Variants in TCF12 observed in about 807,000 individuals in gnomAD.
The protein encoded by TCF12 is DNA-binding protein HTF4.
TCF12 carries 45 observed loss-of-function variants against 86.0 expected under a neutral mutation model. The observed-to-expected ratio is 0.52, with a 90% CI of 0.41 to 0.67. The LOEUF (loss-of-function observed/expected upper bound fraction) is 0.67. Ranked by LOEUF, TCF12 falls within the 30% of genes least tolerant of loss-of-function variation. TCF12 has a pLI of 0.00. For synonymous variants in TCF12, 330 were observed against 299.6 expected, an observed-to-expected ratio of 1.10 and a Z score of -1.05; for missense variants, 881 against 859.9, an observed-to-expected ratio of 1.02 and a Z score of -0.31.
chr15:57,004,704 C>T (rs1270615105), intron 3 of TCF12, among the ~76,000 whole-genome samples: 5 of 152,058 alleles, frequency 3.3e-5, no homozygotes, highest in Non-Finnish European at 7.4e-5. Flanking sequence ...CCACCGCGAC[C>T]GACCCTATGC....
At chr15:57,035,513 CA>C (rs2066455445) in intron 3 of TCF12, among the ~76,000 whole-genome samples, 1 of 152,120 alleles carries the variant, frequency 6.6e-6, no homozygotes, top group Non-Finnish European at 1.5e-5. Context: ...GTGATCCTCC[CA>C]CCTCGGCCTC....
chr15:56,925,797 G>C (rs1337859967), intron 3 of TCF12, among the ~76,000 whole-genome samples: 1 of 151,944 alleles, frequency 6.6e-6, no homozygotes, highest in African/African-American at 2.4e-5. Context: ...TTATGGATGG[G>C]AATGTTGAAA....
chr15:57,162,388 GA>G (rs2054565182), intron 5 of TCF12, among the ~76,000 whole-genome samples: 1 of 152,136 alleles, frequency 6.6e-6, no homozygotes, highest in Non-Finnish European at 1.5e-5. Flanking sequence ...AATTAAAAAT[GA>G]ATGCCTCCTA....
chr15:57,176,010 T>A (rs1042846929), intron 6 of TCF12, among the ~76,000 whole-genome samples: 2 of 152,168 alleles, frequency 1.3e-5, no homozygotes, highest in Admixed American at 6.5e-5. Context: ...TATTTTATAA[T>A]AGATTACAGT....
intron 12 of TCF12, among the ~76,000 whole-genome samples, chr15:57,240,323 T>C (rs2059558148): frequency 6.6e-6 from 1 of 152,108 alleles, no homozygotes; most frequent in Admixed American, 6.5e-5. Context: ...ATGTAGATGA[T>C]TAGAAATACA....
At chr15:57,116,158 T>C (rs898557973) in intron 5 of TCF12, among the ~76,000 whole-genome samples, 18 of 152,176 alleles carry the variant, frequency 1.2e-4, no homozygotes, top group African/African-American at 4.3e-4. Context: ...TCAGTAGTGA[T>C]AGGGAAGTAT....
At chr15:57,193,362 G>A (rs1165562483) in intron 7 of TCF12, among the ~76,000 whole-genome samples, 2 of 152,112 alleles carry the variant, frequency 1.3e-5, no homozygotes, top group African/African-American at 4.8e-5. Flanking sequence ...GTTCTGAAAC[G>A]TTACTGCAAA....
At chr15:56,980,828 C>T (rs1476950194) in intron 3 of TCF12, among the ~76,000 whole-genome samples, 1 of 152,090 alleles carries the variant, frequency 6.6e-6, no homozygotes, top group African/African-American at 2.4e-5. Flanking sequence ...TTTGTGCTTT[C>T]CGTGAAGATA....
At position 56,929,519 on chromosome 15, in the gene TCF12, CAT is replaced by C. The variant is rs376874351; in HGVS notation, c.148+8422_148+8423del. On this transcript the variant is annotated intron_variant, in intron 3 of 20. Coordinates refer to ENST00000333725, the MANE Select transcript of TCF12 (RefSeq NM_207037.2). ...TTGTTCCATGTTTAAAATGTGCTCT[CAT>C]GTGTTCCAGGTTAAAAATGTGCTCT... Among the ~76,000 whole-genome samples the C allele has an allele frequency of 3.9e-4, 59 of 151,954 alleles. No individual in the cohort carries two copies. In the East Asian group the frequency reaches 8.1e-3, roughly 21 times the overall value.
At chr15:57,077,323 A>ATG (rs1372779759) in intron 4 of TCF12, among the ~76,000 whole-genome samples, 2 of 35,696 alleles carry the variant, frequency 5.6e-5, no homozygotes, top group African/African-American at 1.4e-4. Context: ...ATATATGTAT[A>ATG]TATATGTGTG....
chr15:57,064,795 C>CAAAAA (rs1177544594), intron 4 of TCF12, among the ~76,000 whole-genome samples: 1,320 of 77,950 alleles, frequency 0.017, 67 homozygotes, highest in African/African-American at 0.083. Context: ...GACTCCATCT[C>CAAAAA]AAAAAAAAAA....
At chr15:56,948,804 A>T (rs1567149199) in intron 3 of TCF12, among the ~76,000 whole-genome samples, 1 of 152,110 alleles carries the variant, frequency 6.6e-6, no homozygotes, top group Non-Finnish European at 1.5e-5. Context: ...TTCCACTTTC[A>T]CTCATCTTGC....
intron 4 of TCF12, among the ~76,000 whole-genome samples, chr15:57,064,795 CAAAAAAA>C (rs1177544594): frequency 2.6e-5 from 2 of 78,118 alleles, no homozygotes; most frequent in Non-Finnish European, 4.3e-5. Context: ...GACTCCATCT[CAAAAAAA>C]AAAAAAAAAA....
At chr15:57,138,680 A>G (rs570048563) in intron 5 of TCF12, among the ~76,000 whole-genome samples, 2 of 152,322 alleles carry the variant, frequency 1.3e-5, no homozygotes, top group East Asian at 1.9e-4. Flanking sequence ...TCATTTGGAG[A>G]CAGTTAAAAT....
intron 7 of TCF12, 24 bp downstream of exon 7, chr15:57,192,317 C>T: frequency 1.2e-6 from 2 of 1,611,568 alleles, no homozygotes; most frequent in Non-Finnish European, 1.7e-6. Flanking sequence ...ACAACAAATC[C>T]CATCCCACAT....
intron 19 of TCF12, among the ~76,000 whole-genome samples, chr15:57,278,334 G>A (rs1468109705): frequency 6.6e-6 from 1 of 152,104 alleles, no homozygotes; most frequent in African/African-American, 2.4e-5. Context: ...CAGAAGAAAG[G>A]TTTCCAAGGA....
chr15:57,274,218 G>T (rs547260733), intron 19 of TCF12, among the ~76,000 whole-genome samples: 1 of 71,630 alleles, frequency 1.4e-5, no homozygotes, highest in East Asian at 5.5e-4. Flanking sequence ...TACAGCCATG[G>T]AGCCTCAGCA....
chr15:57,244,295 A>G (rs1182939936), intron 13 of TCF12, among the ~76,000 whole-genome samples: 2 of 152,206 alleles, frequency 1.3e-5, no homozygotes, highest in Non-Finnish European at 2.9e-5. Context: ...GTAAGATTCA[A>G]AGATGAATAA....
At chr15:57,070,191 AT>A (rs112406874) in intron 4 of TCF12, among the ~76,000 whole-genome samples, 9 of 149,400 alleles carry the variant, frequency 6.0e-5, no homozygotes, top group Admixed American at 2.0e-4. Context: ...GATATCCGGG[AT>A]TTTTTTTTTA....
Sources: gnomAD v4.1 joint callset for allele counts (sites outside exome capture counted in the v4.1 genomes callset) on GRCh38, gnomAD v4.1.1 for gene constraint, MANE v1.5 for transcripts, NCBI Gene and HGNC (gene_info 2026-07-23, HGNC 2026-07-21) for gene names.